The following PRDM6 variants were observed in gnomAD, a reference collection of about 807,000 sequenced individuals.
The protein encoded by PRDM6 is putative histone-lysine N-methyltransferase PRDM6.
PRDM6 carries 25 observed loss-of-function variants against 60.8 expected under a neutral mutation model. The ratio of observed to expected loss-of-function variants is 0.41; its 90% CI spans 0.30 to 0.57. PRDM6 has a LOEUF of 0.57. PRDM6 is among the 20% of genes least tolerant of loss of function. PRDM6 has a pLI of 0.27. For synonymous variants in PRDM6, 407 were observed against 357.4 expected (o/e 1.14, Z -1.57); for missense variants, 839 against 821.3 (o/e 1.02, Z -0.26).
intron 3 of PRDM6, among the ~76,000 whole-genome samples, chr5:123,124,986 C>T (rs1440708421): frequency 6.6e-6 from 1 of 151,786 alleles, no homozygotes; most frequent in Non-Finnish European, 1.5e-5. Flanking sequence ...TCTCTATTCA[C>T]GTTTTGTGTA....
At chr5:123,134,997 T>TAAAA (rs113763871) in intron 3 of PRDM6, among the ~76,000 whole-genome samples, 46,591 of 148,034 alleles carry the variant, frequency 0.31, 7,806 homozygotes, top group East Asian at 0.6. Flanking sequence ...AAAGTATTCT[T>TAAAA]AAAAAAAAAA....
intron 3 of PRDM6, among the ~76,000 whole-genome samples, chr5:123,110,000 A>G (rs913155021): frequency 6.6e-6 from 1 of 152,212 alleles, no homozygotes; most frequent in Non-Finnish European, 1.5e-5. Flanking sequence ...AAATGACAAC[A>G]AATCAACATA....
In PRDM6 at chr5:123,134,449, A is replaced by C. The variant is rs549291248; in HGVS notation, c.901-21435A>C. ...GTAATAAGTTTATTTTAATGAAAGG[A>C]ATTGGTACAGTATGTTAACCAAATA... is the stretch of plus-strand genomic sequence containing the variant. On this transcript the variant is annotated intron_variant, in intron 3 of 7. Coordinates refer to ENST00000407847, the MANE Select transcript of PRDM6 (RefSeq NM_001136239.4). 5.3e-5 allele frequency among the ~76,000 whole-genome samples: 8 copies of C among 152,270 alleles called. No homozygotes were observed. The South Asian group carries it at 1.7e-3, about 32-fold the overall frequency.
intron 5 of PRDM6, among the ~76,000 whole-genome samples, chr5:123,165,306 C>T (rs1561870374): frequency 6.6e-6 from 1 of 152,234 alleles, no homozygotes; most frequent in Non-Finnish European, 1.5e-5. Context: ...GCAGCTCTCA[C>T]TCCCAATCAT....
At chr5:123,100,305 C>T (rs1042272679) in intron 3 of PRDM6, among the ~76,000 whole-genome samples, 2 of 152,156 alleles carry the variant, frequency 1.3e-5, no homozygotes, top group Non-Finnish European at 2.9e-5. Context: ...GAGAAAACAG[C>T]TGAGGAGATG....
In PRDM6 at chr5:123,099,602, G is replaced by C; in HGVS notation, c.593-52G>C. On this transcript the variant is annotated intron_variant, in intron 2 of 7. Transcript: ENST00000407847. This position sits in a 1 kb window ranked among gnomAD's most constrained non-coding sequence, Gnocchi z 4.0. The stretch of plus-strand genomic sequence containing the variant: ...AGTTTACTCAAAGATGGGCCGCTCG[G>C]GGCGGCCGGATTAACCCGCTCCCTT... 2 of 1,409,678 alleles carry C rather than the reference G, an allele frequency of 1.4e-6. No individual in the cohort carries two copies. Among genetic ancestry groups the C allele is most frequent in the South Asian group, 1.6e-5 (1 of 62,262 alleles). 87.3% of individuals were successfully genotyped at this position (1,409,678 alleles called of 1,614,324 possible). A position where few individuals can be genotyped will look rare whatever the true frequency, so the allele number is the denominator to read the frequency against.
chr5:123,163,371 T>A (rs2126878207), intron 5 of PRDM6, among the ~76,000 whole-genome samples: 1 of 152,318 alleles, frequency 6.6e-6, no homozygotes, highest in African/African-American at 2.4e-5. Flanking sequence ...ACACATTTCC[T>A]ATCGAGAGTG....
chr5:123,184,878 G>C (rs1766248495), intron 7 of PRDM6, among the ~76,000 whole-genome samples: 3 of 152,006 alleles, frequency 2.0e-5, no homozygotes, highest in African/African-American at 7.2e-5. Flanking sequence ...TTTCCTCAAG[G>C]AGAACTCCCT....
In PRDM6 at chr5:123,099,762, C is replaced by T. The variant is rs998873076; in HGVS notation, c.701C>T (p.Pro234Leu). The change falls in exon 3 of 8, where the codon CCG (proline) becomes CTG (leucine). Residue 234 changes from proline (P) to leucine (L), a missense_variant. By Grantham distance (98) the Pro-to-Leu change is moderately conservative (BLOSUM62 -3). This residue lies in a region of PRDM6 where 730 missense variants were observed against 648.8 expected (regional missense o/e 1.13). Coordinates refer to ENST00000407847, the MANE Select transcript of PRDM6 (RefSeq NM_001136239.4). The surrounding 1 kb of genome is among the most constrained non-coding windows in gnomAD (Gnocchi z 4.0). ...AGCAGCGCTGCGGCCGCCGCGCCCC[C>T]GCCGGAGCTGCCGGAGTGGCTGCGG... The part of the protein sequence containing the change: ...GTSSAAAAAP[P>L]PELPEWLRDL... 1.3e-6 allele frequency: 2 copies of T among 1,546,970 alleles called. No homozygotes were observed. Among genetic ancestry groups the T allele is most frequent in the African/African-American group, 2.7e-5 (2 of 72,874 alleles).
intron 5 of PRDM6, among the ~76,000 whole-genome samples, chr5:123,169,347 T>C (rs1765833140): frequency 6.6e-6 from 1 of 152,220 alleles, no homozygotes; most frequent in South Asian, 2.1e-4. Flanking sequence ...TCTAGCTATA[T>C]TATTAGATTT....
At chr5:123,156,356 A>G (rs1315536428) in intron 4 of PRDM6, among the ~76,000 whole-genome samples, 1 of 152,176 alleles carries the variant, frequency 6.6e-6, no homozygotes, top group Non-Finnish European at 1.5e-5. Context: ...ACAGATAAGT[A>G]GAAGGTCAGA....
At chr5:123,146,387 C>G (rs534854072) in intron 3 of PRDM6, among the ~76,000 whole-genome samples, 5 of 152,306 alleles carry the variant, frequency 3.3e-5, no homozygotes, top group African/African-American at 1.2e-4. Context: ...TTATAGTTCT[C>G]TAGTGCAGAA....
intron 3 of PRDM6, among the ~76,000 whole-genome samples, chr5:123,125,792 T>TC (rs1441937122): frequency 6.6e-6 from 1 of 152,154 alleles, no homozygotes. Context: ...AAGGGGTAGT[T>TC]CCCCAAAAGA....
At chr5:123,177,736 T>C (rs1766049549) in intron 6 of PRDM6, among the ~76,000 whole-genome samples, 1 of 152,142 alleles carries the variant, frequency 6.6e-6, no homozygotes, top group Non-Finnish European at 1.5e-5. Context: ...ATTTCCTGGG[T>C]CATGCACATT....
intron 3 of PRDM6, among the ~76,000 whole-genome samples, chr5:123,110,091 G>A (rs1397459588): frequency 6.6e-6 from 1 of 152,108 alleles, no homozygotes; most frequent in Non-Finnish European, 1.5e-5. Context: ...AGTATATCAT[G>A]CAAATTCTGA....
chr5:123,144,477 G>A (rs183687000), intron 3 of PRDM6, among the ~76,000 whole-genome samples: 1 of 152,276 alleles, frequency 6.6e-6, no homozygotes, highest in Admixed American at 6.5e-5. Flanking sequence ...CTTATGAGAG[G>A]AGAACTGGGG....
At chr5:123,104,575 C>T (rs1224728010) in intron 3 of PRDM6, among the ~76,000 whole-genome samples, 4 of 151,992 alleles carry the variant, frequency 2.6e-5, no homozygotes, top group Non-Finnish European at 4.4e-5. Flanking sequence ...TGTTTTTCAG[C>T]AATTTATCAT....
intron 3 of PRDM6, among the ~76,000 whole-genome samples, chr5:123,141,419 G>T (rs1375435718): frequency 1.3e-5 from 2 of 151,958 alleles, no homozygotes; most frequent in Non-Finnish European, 2.9e-5. Context: ...TGTGAAAGGG[G>T]ATCACTGAGC....
At chr5:123,136,136 T>G (rs998622396) in intron 3 of PRDM6, among the ~76,000 whole-genome samples, 1 of 152,206 alleles carries the variant, frequency 6.6e-6, no homozygotes, top group African/African-American at 2.4e-5. Context: ...AGATTTCTTG[T>G]GAGTTTCAGG....
Sources: allele counts gnomAD v4.1 joint callset (sites outside exome capture counted in the v4.1 genomes callset), GRCh38; gene constraint gnomAD v4.1.1; regional missense constraint gnomAD v4.1.1; non-coding constraint Gnocchi (gnomAD v3.1); transcripts MANE v1.5; gene names NCBI Gene and HGNC (gene_info 2026-07-23, HGNC 2026-07-21).